MSH4: variants seen among roughly 807,000 people sequenced by gnomAD.
MSH4 encodes mutS protein homolog 4.
MSH4 carries 106 observed loss-of-function variants against 113.7 expected under a neutral mutation model. The ratio of observed to expected loss-of-function variants is 0.93; its 90% confidence interval spans 0.80 to 1.10. The LOEUF is 1.10. MSH4 is among the 50% of genes least tolerant of loss of function. The probability of loss-of-function intolerance (pLI) is 0.00; values close to 1 mark genes in which losing one functional copy is unlikely to be tolerated. For synonymous variants in MSH4, 368 were observed against 380.2 expected, an observed-to-expected ratio of 0.97 and a Z score of 0.37; for missense variants, 1,061 against 1,093.7, an observed-to-expected ratio of 0.97 and a Z score of 0.42.
At chr1:75,912,660 GTATA>G (rs201104118) in intron 19 of MSH4, 32 bp from the exon 20 acceptor site, 20 of 1,082,072 alleles carry the variant, frequency 1.8e-5, no homozygotes, top group Admixed American at 5.1e-5. Context: ...TGGTATTTGT[GTATA>G]TATATATATA....
In MSH4 at chr1:75,848,237, G is replaced by A. The variant is rs1243683675; in HGVS notation, c.1191G>A (p.Gln397=). The change falls in exon 8 of 20, where the codon CAG becomes CAA. Residue 397 remains glutamine (Q), a synonymous_variant. Coordinates refer to ENST00000263187, the MANE Select transcript of MSH4 (RefSeq NM_002440.4). ...SVISRFLDTE[Q]LLSVLVQIPK... ...TATCAAGATTTCTTGATACAGAGCA[G>A]CTTCTTTCTGTTTTAGTCCAAATTC... 1 of 1,609,238 alleles carries A rather than the reference G, an allele frequency of 6.2e-7. No individual in the cohort carries two copies. The highest frequency in any genetic ancestry group is 8.5e-7 in the Non-Finnish European group (1 of 1,176,508).
At chr1:75,872,340 AAAAAC>A (rs985816880) in intron 9 of MSH4, among the ~76,000 whole-genome samples, 9 of 152,226 alleles carry the variant, frequency 5.9e-5, no homozygotes, top group Admixed American at 1.3e-4. Context: ...AACAAAAACA[AAAAAC>A]AAAACAAAGA....
At chr1:75,835,645 T>A (rs184987230) in intron 7 of MSH4, among the ~76,000 whole-genome samples, 15 of 152,324 alleles carry the variant, frequency 9.8e-5, no homozygotes, top group Admixed American at 7.2e-4. Context: ...ATTATTTTTC[T>A]CTCCATGGCC....
At chr1:75,821,066 C>G (rs1277613602) in intron 6 of MSH4, among the ~76,000 whole-genome samples, 1 of 151,912 alleles carries the variant, frequency 6.6e-6, no homozygotes, top group East Asian at 1.9e-4. Context: ...TAATAGACAT[C>G]TACAGAACTC....
At position 75,810,059 on chromosome 1, in the gene MSH4, A is replaced by G. The variant is rs558569412; in HGVS notation, c.589-638A>G. Among the ~76,000 whole-genome samples, 84 of 152,272 alleles carry G rather than the reference A, an allele frequency of 5.5e-4. 1 individual carries two copies. In the South Asian group the frequency reaches 0.016, roughly 30 times the overall value. On this transcript the variant is annotated intron_variant, in intron 3 of 19. Coordinates refer to ENST00000263187, the MANE Select transcript of MSH4 (RefSeq NM_002440.4). ...ATTTTATTTTGGGAATATATATTTG[A>G]TAAGTTCAAATTAATTTTTGAACTT...
intron 7 of MSH4, among the ~76,000 whole-genome samples, chr1:75,836,306 T>TTC (rs1334274931): frequency 5.2e-4 from 77 of 149,336 alleles, no homozygotes; most frequent in African/African-American, 1.9e-3. Flanking sequence ...CTTTTTCTTT[T>TTC]TTTTTTTTTT....
chr1:75,842,960 C>T (rs1360792108), intron 7 of MSH4, among the ~76,000 whole-genome samples: 1 of 152,228 alleles, frequency 6.6e-6, no homozygotes, highest in East Asian at 1.9e-4. Context: ...CACTCCTAGT[C>T]TGCCTTCGTG....
intron 1 of MSH4, among the ~76,000 whole-genome samples, chr1:75,803,199 A>T (rs1649977538): frequency 6.6e-6 from 1 of 152,236 alleles, no homozygotes; most frequent in Non-Finnish European, 1.5e-5. Flanking sequence ...TAGCCAGAGT[A>T]GTTGCAGTGA....
chr1:75,894,381 C>T (rs12136341), intron 17 of MSH4, among the ~76,000 whole-genome samples: 3 of 152,130 alleles, frequency 2.0e-5, no homozygotes, highest in Non-Finnish European at 4.4e-5. Context: ...CATAAAAGTT[C>T]TAGGTTGAGG....
intron 3 of MSH4, 97 bp from the exon 4 acceptor site, chr1:75,810,600 G>C (rs1650170863): frequency 1.9e-6 from 1 of 519,726 alleles, no homozygotes; most frequent in South Asian, 3.4e-5. Flanking sequence ...ATAATTTTGT[G>C]TATCTATGAA....
intron 1 of MSH4, among the ~76,000 whole-genome samples, chr1:75,799,465 T>G (rs1485546678): frequency 6.6e-6 from 1 of 152,154 alleles, no homozygotes; most frequent in Non-Finnish European, 1.5e-5. Context: ...TATTTATAAT[T>G]TTTGAGGTAG....
chr1:75,845,584 G>A (rs910914633), intron 7 of MSH4, among the ~76,000 whole-genome samples: 2 of 152,178 alleles, frequency 1.3e-5, no homozygotes, highest in African/African-American at 2.4e-5. Flanking sequence ...GGAAGAAGTA[G>A]GGCTCTCAAG....
At chr1:75,875,090 C>T (rs538521826) in intron 9 of MSH4, among the ~76,000 whole-genome samples, 25 of 152,196 alleles carry the variant, frequency 1.6e-4, no homozygotes, top group Admixed American at 1.0e-3. Flanking sequence ...GACGGGGTTT[C>T]GCCATGTTGG....
In MSH4 at chr1:75,883,602, T is replaced by G. The variant is rs777854277; in HGVS notation, c.1907-19T>G. The G allele has an allele frequency of 6.3e-7, 1 of 1,587,902 alleles. No individual in the cohort carries two copies. The highest frequency in any genetic ancestry group is 1.1e-5 in the South Asian group (1 of 89,134). On this transcript the variant is annotated intron_variant, in intron 14 of 19. Transcript: ENST00000263187. Reference sequence around the variant, plus strand: ...CAAATATATTAATCTTTAAAAACCATTCTATTTTTTTTCTTAAGTTCGACC... The same window carrying G: ...CAAATATATTAATCTTTAAAAACCAGTCTATTTTTTTTCTTAAGTTCGACC...
chr1:75,876,869 T>C, intron 9 of MSH4, 67 bp from the exon 10 acceptor site: 2 of 887,386 alleles, frequency 2.3e-6, no homozygotes, highest in South Asian at 4.1e-5. Flanking sequence ...TAAACAACTG[T>C]AAAATGATAT....
rs572365439 is a variant in MSH4, at chr1:75,826,300, C to T, written c.1162+3719C>T. On this transcript the variant is annotated intron_variant, in intron 7 of 19. Transcript: ENST00000263187. Reference sequence around the variant, plus strand: ...ATGTTAGTTTGTATTTCTGTGGGATCAGTGGTGATATCCCCTTTATCATTT... The same window carrying T: ...ATGTTAGTTTGTATTTCTGTGGGATTAGTGGTGATATCCCCTTTATCATTT... Among the ~76,000 whole-genome samples, 25 of 96,572 alleles carry T rather than the reference C, an allele frequency of 2.6e-4. No homozygotes were observed. The South Asian group carries it at 4.6e-3, about 18-fold the overall frequency. The allele number at this position is 96,572 out of a possible 152,430, so 63.4% of individuals were successfully genotyped here.
intron 8 of MSH4, among the ~76,000 whole-genome samples, chr1:75,853,006 C>A (rs1204848296): frequency 1.3e-5 from 2 of 152,022 alleles, no homozygotes; most frequent in African/African-American, 2.4e-5. Flanking sequence ...CAGAGCTGAG[C>A]CTGCGTGACT....
chr1:75,837,984 T>C (rs1438069300), intron 7 of MSH4, among the ~76,000 whole-genome samples: 1 of 152,218 alleles, frequency 6.6e-6, no homozygotes, highest in Non-Finnish European at 1.5e-5. Context: ...TCTACATTGT[T>C]GCCTGAGTGA....
In MSH4 at chr1:75,885,059, G is replaced by GTGTGTGTGTGTATA. The variant is rs1300289205; in HGVS notation, c.2107+1239_2107+1240insGTGTGTGTGTATAT. Among the ~76,000 whole-genome samples, 564 of 112,310 alleles carry GTGTGTGTGTGTATA rather than the reference G, an allele frequency of 5.0e-3. 2 individuals carry two copies. Among genetic ancestry groups the GTGTGTGTGTGTATA allele is most frequent in the African/African-American group, 0.012 (304 of 24,554 alleles). 73.7% of individuals were successfully genotyped at this position (112,310 alleles called of 152,430 possible). The stretch of plus-strand genomic sequence containing the variant: ...TGTGTGTGTGTGTGTGTGTGTGTGT[G>GTGTGTGTGTGTATA]TATATATATATATATACCAGCCAGG... On this transcript the variant is annotated intron_variant, in intron 15 of 19. Transcript: ENST00000263187.
Sources: gnomAD v4.1 joint callset for allele counts (sites outside exome capture counted in the v4.1 genomes callset) on GRCh38, gnomAD v4.1.1 for gene constraint, MANE v1.5 for transcripts, NCBI Gene and HGNC (gene_info 2026-07-23, HGNC 2026-07-21) for gene names.